BMPR1A: variants seen among roughly 807,000 people sequenced by gnomAD.
The protein encoded by BMPR1A is bone morphogenetic protein receptor type-1A.
BMPR1A carries 7 observed loss-of-function variants against 66.0 expected under a neutral mutation model. The observed-to-expected ratio is 0.11, with a 90% confidence interval of 0.06 to 0.20. BMPR1A has a LOEUF of 0.20. Ranked by LOEUF, BMPR1A falls within the 10% of genes least tolerant of loss-of-function variation. The pLI, the probability that BMPR1A is intolerant of heterozygous loss-of-function variation, is 1.00. For missense variants in BMPR1A, 408 were observed against 669.1 expected (o/e 0.61, Z 4.31); for synonymous variants, 200 against 229.7 (o/e 0.87, Z 1.17).
At chr10:86,866,324 T>C (rs1430280801) in intron 2 of BMPR1A, among the ~76,000 whole-genome samples, 2 of 111,288 alleles carry the variant, frequency 1.8e-5, no homozygotes, top group Non-Finnish European at 4.3e-5. Flanking sequence ...TAACATGCAG[T>C]AACAAGTGGA....
At chr10:86,841,556 T>C (rs1471999004) in intron 2 of BMPR1A, among the ~76,000 whole-genome samples, 1 of 152,174 alleles carries the variant, frequency 6.6e-6, no homozygotes, top group Non-Finnish European at 1.5e-5. Flanking sequence ...GATTGCTGAA[T>C]AGAAATTGGA....
Position 86,810,320 on chromosome 10 carries a change from C to T in BMPR1A, c.-267-28545C>T, listed in dbSNP as rs958573849. Among the ~76,000 whole-genome samples the T allele has an allele frequency of 2.6e-5, 4 of 152,060 alleles. No homozygotes were observed. The East Asian group carries it at 5.8e-4, about 22-fold the overall frequency. On this transcript the variant is annotated intron_variant, in intron 1 of 12. Coordinates refer to ENST00000372037, the MANE Select transcript of BMPR1A (RefSeq NM_004329.3). Reference sequence around the variant, plus strand: ...TATTGTGTAGAGTAATGTATTCATTCGTTGGTTGATAAGGCATTTGGGTTA... The same window carrying T: ...TATTGTGTAGAGTAATGTATTCATTTGTTGGTTGATAAGGCATTTGGGTTA...
chr10:86,804,187 T>C (rs937104506), intron 1 of BMPR1A, among the ~76,000 whole-genome samples: 4 of 152,194 alleles, frequency 2.6e-5, no homozygotes, highest in Non-Finnish European at 4.4e-5. Flanking sequence ...AGTTTTAATA[T>C]ATTCACAATT....
At chr10:86,855,354 C>T in intron 2 of BMPR1A, 2 of 865,144 alleles carry the variant, frequency 2.3e-6, no homozygotes, top group Non-Finnish European at 1.8e-6. Flanking sequence ...CTTCAGGACA[C>T]ACCTGCACTG....
At chr10:86,757,167 G>A (rs1847886615) in intron 1 of BMPR1A, among the ~76,000 whole-genome samples, 1 of 152,134 alleles carries the variant, frequency 6.6e-6, no homozygotes, top group Non-Finnish European at 1.5e-5. Flanking sequence ...GTTGCAGGCC[G>A]AGTTTGGGGA....
chr10:86,794,839 T>C (rs1223472121), intron 1 of BMPR1A, among the ~76,000 whole-genome samples: 2 of 150,738 alleles, frequency 1.3e-5, no homozygotes, highest in Non-Finnish European at 1.5e-5. Flanking sequence ...GATATAGATA[T>C]ATAGATATAG....
At chr10:86,905,885 C>T (rs1471803914) in intron 7 of BMPR1A, among the ~76,000 whole-genome samples, 1 of 151,390 alleles carries the variant, frequency 6.6e-6, no homozygotes, top group Non-Finnish European at 1.5e-5. Context: ...AAAAAAGAAG[C>T]TGCCAATCAG....
At chr10:86,875,326 TGGTGCC>T (rs935228685) in intron 2 of BMPR1A, among the ~76,000 whole-genome samples, 26 of 143,904 alleles carry the variant, frequency 1.8e-4, no homozygotes, top group African/African-American at 6.7e-4. Flanking sequence ...TGAGTCGAGA[TGGTGCC>T]ATTGCACTCC....
intron 3 of BMPR1A, among the ~76,000 whole-genome samples, chr10:86,884,131 G>T (rs1322805902): frequency 6.6e-6 from 1 of 151,940 alleles, no homozygotes; most frequent in African/African-American, 2.4e-5. Context: ...GCCTCCCAAG[G>T]TGCTGGGGTT....
chr10:86,901,871 T>C (rs771209428), intron 7 of BMPR1A, among the ~76,000 whole-genome samples: 3 of 149,388 alleles, frequency 2.0e-5, no homozygotes, highest in Non-Finnish European at 4.4e-5. Context: ...ATTTTATTTA[T>C]TTATTTATTT....
chr10:86,815,762 G>C (rs1046717968), intron 1 of BMPR1A, among the ~76,000 whole-genome samples: 2 of 152,204 alleles, frequency 1.3e-5, no homozygotes, highest in Non-Finnish European at 2.9e-5. Context: ...TGACTTCTTA[G>C]TGCTCGTCCA....
At chr10:86,883,810 A>G (rs1253883112) in intron 3 of BMPR1A, among the ~76,000 whole-genome samples, 4 of 151,990 alleles carry the variant, frequency 2.6e-5, no homozygotes, top group Non-Finnish European at 4.4e-5. Context: ...CAAAGGCCAC[A>G]TACTGTGATC....
At chr10:86,774,285 A>G (rs1354504305) in intron 1 of BMPR1A, among the ~76,000 whole-genome samples, 2 of 152,172 alleles carry the variant, frequency 1.3e-5, no homozygotes, top group African/African-American at 4.8e-5. Flanking sequence ...TATTAAATAT[A>G]CATTAAGGGA....
At chr10:86,911,428 C>T (rs1032942654) in intron 7 of BMPR1A, among the ~76,000 whole-genome samples, 2 of 152,074 alleles carry the variant, frequency 1.3e-5, no homozygotes, top group African/African-American at 2.4e-5. Context: ...TCAGGGAACA[C>T]TTCAATTGAA....
downstream of BMPR1A, chr10:86,932,807 GCTT>G (rs1843823721): frequency 6.6e-6 from 1 of 152,238 alleles, no homozygotes; most frequent in Non-Finnish European, 1.5e-5. Context: ...TCTTCACACT[GCTT>G]CTGAAATAAA....
chr10:86,823,701 T>C (rs758626079), intron 1 of BMPR1A, among the ~76,000 whole-genome samples: 1 of 152,102 alleles, frequency 6.6e-6, no homozygotes, highest in Non-Finnish European at 1.5e-5. Context: ...GACCATACAT[T>C]GGTGATCCTG....
At chr10:86,803,524 T>C (rs943816938) in intron 1 of BMPR1A, among the ~76,000 whole-genome samples, 4 of 152,244 alleles carry the variant, frequency 2.6e-5, no homozygotes, top group African/African-American at 9.6e-5. Flanking sequence ...TTTATTTATC[T>C]GGAATTAGTT....
At chr10:86,880,411 T>G (rs1842971843) in intron 3 of BMPR1A, among the ~76,000 whole-genome samples, 1 of 152,218 alleles carries the variant, frequency 6.6e-6, no homozygotes, top group South Asian at 2.1e-4. Context: ...GAATAAATAT[T>G]AAAATAGTAC....
intron 8 of BMPR1A, 131 bp from the exon 9 acceptor site, chr10:86,917,003 A>G: frequency 9.7e-7 from 1 of 1,027,956 alleles, no homozygotes. Flanking sequence ...AAAAAAAAAA[A>G]AGTACATTAT....
Sources: allele counts gnomAD v4.1 joint callset (sites outside exome capture counted in the v4.1 genomes callset), GRCh38; gene constraint gnomAD v4.1.1; transcripts MANE v1.5; gene names NCBI Gene and HGNC (gene_info 2026-07-23, HGNC 2026-07-21).